PGCKA1: variants seen among roughly 807,000 people sequenced by gnomAD.
The protein encoded by PGCKA1 is PDCD10 and GCKIII kinases associated 1.
At chr4:37,540,997 T>C in the PGCKA1 span, among the ~76,000 whole-genome samples, 1 of 151,948 alleles carries the variant, frequency 6.6e-6, no homozygotes, top group Admixed American at 6.6e-5. Context: ...AAACAGCCCG[T>C]CCACTCTGTG....
chr4:37,559,449 T>TG, the PGCKA1 span, among the ~76,000 whole-genome samples: 1 of 78,982 alleles, frequency 1.3e-5, no homozygotes, highest in Non-Finnish European at 2.4e-5. Flanking sequence ...TGTTGTGGGG[T>TG]GGGGGGAGGG....
At chr4:37,488,457 T>C in the PGCKA1 span, among the ~76,000 whole-genome samples, 1 of 152,168 alleles carries the variant, frequency 6.6e-6, no homozygotes, top group Non-Finnish European at 1.5e-5. Context: ...CCTCTTGACA[T>C]CCACAAAGCA....
the PGCKA1 span, among the ~76,000 whole-genome samples, chr4:37,461,847 G>T: frequency 6.6e-6 from 1 of 151,480 alleles, no homozygotes; most frequent in East Asian, 1.9e-4. Flanking sequence ...GGAGGAAATA[G>T]AGGAGAAGGA....
At chr4:37,572,048 C>CTTTTTTTTCTTTTTCTTT in the PGCKA1 span, among the ~76,000 whole-genome samples, 7 of 111,626 alleles carry the variant, frequency 6.3e-5, no homozygotes, top group Non-Finnish European at 1.1e-4. Flanking sequence ...AACTTCACAC[C>CTTTTTTTTCTTTTTCTTT]TTTTTTTTTT....
At chr4:37,479,973 T>C in the PGCKA1 span, among the ~76,000 whole-genome samples, 1 of 152,172 alleles carries the variant, frequency 6.6e-6, no homozygotes. Context: ...AAGAAGTGAA[T>C]TAATTCATGA....
At chr4:37,571,135 A>G in the PGCKA1 span, among the ~76,000 whole-genome samples, 1 of 152,166 alleles carries the variant, frequency 6.6e-6, no homozygotes, top group African/African-American at 2.4e-5. Context: ...GCTCATGTGT[A>G]GTAGGGAAGG....
the PGCKA1 span, among the ~76,000 whole-genome samples, chr4:37,507,610 T>A: frequency 6.6e-6 from 1 of 152,186 alleles, no homozygotes; most frequent in East Asian, 1.9e-4. Flanking sequence ...TTTTTTCTAC[T>A]TATATATTAT....
At chr4:37,502,269 A>G in the PGCKA1 span, among the ~76,000 whole-genome samples, 2 of 152,190 alleles carry the variant, frequency 1.3e-5, no homozygotes, top group Non-Finnish European at 2.9e-5. Context: ...GGTAGGTGCA[A>G]GCGGGTGCCG....
At chr4:37,592,375 GCT>G in the PGCKA1 span, among the ~76,000 whole-genome samples, 1 of 135,812 alleles carries the variant, frequency 7.4e-6, no homozygotes, top group African/African-American at 2.8e-5. Flanking sequence ...AAAAAAAAGA[GCT>G]AGACTACAAA....
the PGCKA1 span, among the ~76,000 whole-genome samples, chr4:37,540,474 G>T: frequency 1.3e-5 from 2 of 152,264 alleles, no homozygotes; most frequent in Non-Finnish European, 2.9e-5. Flanking sequence ...AAGTAACTAG[G>T]ATTTTTCTTT....
the PGCKA1 span, among the ~76,000 whole-genome samples, chr4:37,546,656 C>T: frequency 0.15 from 22,750 of 152,258 alleles, 1,954 homozygotes; most frequent in Non-Finnish European, 0.2. Flanking sequence ...TTCCCTGCGG[C>T]TCATCCTGCT....
chr4:37,529,773 T>C, the PGCKA1 span, among the ~76,000 whole-genome samples: 1 of 152,100 alleles, frequency 6.6e-6, no homozygotes, highest in Non-Finnish European at 1.5e-5. Context: ...CAACCTTGAG[T>C]TGATTTAAAA....
At chr4:37,478,150 C>A in the PGCKA1 span, among the ~76,000 whole-genome samples, 3 of 113,912 alleles carry the variant, frequency 2.6e-5, no homozygotes, top group Non-Finnish European at 4.0e-5. Flanking sequence ...ACACCCCCCC[C>A]CACCGCCACT....
chr4:37,504,965 T>C, the PGCKA1 span, among the ~76,000 whole-genome samples: 2 of 152,148 alleles, frequency 1.3e-5, no homozygotes, highest in Non-Finnish European at 2.9e-5. Flanking sequence ...TGCTGAACAA[T>C]AGTGGTGAAA....
At chr4:37,583,500 G>A in the PGCKA1 span, among the ~76,000 whole-genome samples, 8 of 151,506 alleles carry the variant, frequency 5.3e-5, no homozygotes, top group East Asian at 2.0e-4. Flanking sequence ...GCAGTGGTGC[G>A]ATCTCGGCTC....
the PGCKA1 span, among the ~76,000 whole-genome samples, chr4:37,571,130 T>C: frequency 6.6e-6 from 1 of 152,114 alleles, no homozygotes; most frequent in Non-Finnish European, 1.5e-5. Context: ...GGGGAGCTCA[T>C]GTGTAGTAGG....
the PGCKA1 span, among the ~76,000 whole-genome samples, chr4:37,570,146 ATTTTTT>A: frequency 4.7e-4 from 37 of 78,930 alleles, no homozygotes; most frequent in Admixed American, 1.2e-3. Context: ...CGCCTGGCTA[ATTTTTT>A]TTTTTTTTTT....
chr4:37,550,977 T>A, the PGCKA1 span, among the ~76,000 whole-genome samples: 1 of 151,952 alleles, frequency 6.6e-6, no homozygotes, highest in Non-Finnish European at 1.5e-5. Context: ...GCAGGATGAT[T>A]TAGTTGCCTA....
At chr4:37,486,480 C>T in the PGCKA1 span, among the ~76,000 whole-genome samples, 1 of 152,120 alleles carries the variant, frequency 6.6e-6, no homozygotes, top group Non-Finnish European at 1.5e-5. Flanking sequence ...AACACTTAGA[C>T]CAAACAAGAA....
Sources: allele counts gnomAD v4.1 joint callset (sites outside exome capture counted in the v4.1 genomes callset), GRCh38; gene constraint gnomAD v4.1.1; transcripts MANE v1.5; gene names NCBI Gene and HGNC (gene_info 2026-07-23, HGNC 2026-07-21).